NR1H4: variants seen among roughly 807,000 people sequenced by gnomAD.
NR1H4 encodes the protein bile acid receptor.
In NR1H4, 23 loss-of-function variants were observed where a neutral mutation model predicts 58.5. The observed-to-expected ratio is 0.39, with a 90% CI of 0.28 to 0.56. NR1H4 has a LOEUF of 0.56. Ranked by LOEUF, NR1H4 falls within the 20% of genes least tolerant of loss-of-function variation. NR1H4 has a pLI of 0.58. For missense variants in NR1H4, 487 were observed against 576.9 expected, an observed-to-expected ratio of 0.84 and a Z score of 1.60; for synonymous variants, 214 against 198.0, an observed-to-expected ratio of 1.08 and a Z score of -0.68.
chr12:100,492,494 C>T lies in NR1H4; in HGVS notation c.-189-9C>T, dbSNP rs1302108762. 1 of 152,140 alleles carries T rather than the reference C, an allele frequency of 6.6e-6. No homozygotes were observed. Among genetic ancestry groups the T allele is most frequent in the Non-Finnish European group, 1.5e-5 (1 of 68,022 alleles). 9.4% of individuals were successfully genotyped at this position (152,140 alleles called of 1,614,324 possible). On this transcript the variant is annotated splice_polypyrimidine_tract_variant and intron_variant, in intron 1 of 10. Coordinates refer to ENST00000392986, the MANE Select transcript of NR1H4 (RefSeq NM_001206979.2). Reference sequence around the variant, plus strand: ...TTTCATTATTTAACCTTTCAAATTACTTCTTTAGGGAGGTAGAAGACATCG... The same window carrying T: ...TTTCATTATTTAACCTTTCAAATTATTTCTTTAGGGAGGTAGAAGACATCG...
At chr12:100,513,145 A>C (rs556784862) in intron 4 of NR1H4, among the ~76,000 whole-genome samples, 2 of 152,180 alleles carry the variant, frequency 1.3e-5, no homozygotes, top group Non-Finnish European at 2.9e-5. Context: ...GAACTTATAC[A>C]TTCGTTGGAA....
chr12:100,477,016 C>G (rs1044692289), intron 1 of NR1H4, among the ~76,000 whole-genome samples: 1 of 152,168 alleles, frequency 6.6e-6, no homozygotes, highest in South Asian at 2.1e-4. Context: ...AGTCACCAAG[C>G]TGTATGAGGA....
At chr12:100,500,029 G>A in intron 3 of NR1H4, 1 of 447,150 alleles carries the variant, frequency 2.2e-6, no homozygotes, top group South Asian at 1.6e-5. Flanking sequence ...TATAAGGTAG[G>A]TACCATTACT....
chr12:100,479,731 C>T (rs992127395), intron 1 of NR1H4, among the ~76,000 whole-genome samples: 4 of 152,238 alleles, frequency 2.6e-5, no homozygotes, highest in African/African-American at 9.6e-5. Flanking sequence ...CATACAAGAG[C>T]TGCCTACTCT....
intron 4 of NR1H4, among the ~76,000 whole-genome samples, chr12:100,514,564 C>G (rs1034913137): frequency 5.9e-5 from 9 of 152,078 alleles, no homozygotes; most frequent in Non-Finnish European, 8.8e-5. Flanking sequence ...AGCAACCCCC[C>G]ACTTGTGACA....
At chr12:100,519,778 A>G (rs1954366426) in intron 4 of NR1H4, among the ~76,000 whole-genome samples, 1 of 152,068 alleles carries the variant, frequency 6.6e-6, no homozygotes, top group African/African-American at 2.4e-5. Flanking sequence ...GGGGATAGGG[A>G]GTTGGGAGGG....
intron 9 of NR1H4, among the ~76,000 whole-genome samples, chr12:100,545,572 G>A (rs1565777173): frequency 6.7e-6 from 1 of 149,192 alleles, no homozygotes; most frequent in Non-Finnish European, 1.5e-5. Context: ...AGCCCAGGAG[G>A]TGGAGGTTGC....
At chr12:100,554,025 T>C (rs1955266726) in intron 9 of NR1H4, among the ~76,000 whole-genome samples, 1 of 152,100 alleles carries the variant, frequency 6.6e-6, no homozygotes, top group South Asian at 2.1e-4. Context: ...TCTACCATAG[T>C]GTATGGCCAT....
chr12:100,503,732 C>G (rs1953891388), intron 3 of NR1H4, among the ~76,000 whole-genome samples: 1 of 152,138 alleles, frequency 6.6e-6, no homozygotes, highest in Admixed American at 6.6e-5. Flanking sequence ...TTCATAGACT[C>G]TTATGTCAAA....
intron 4 of NR1H4, among the ~76,000 whole-genome samples, chr12:100,519,951 T>C (rs987749086): frequency 6.6e-6 from 1 of 152,176 alleles, no homozygotes; most frequent in Non-Finnish European, 1.5e-5. Flanking sequence ...TTTATCTTCC[T>C]TATGTGTTCT....
At chr12:100,487,360 G>GA (rs962573827) in intron 1 of NR1H4, among the ~76,000 whole-genome samples, 23 of 152,122 alleles carry the variant, frequency 1.5e-4, no homozygotes, top group Admixed American at 1.2e-3. Context: ...TAACTTTTCA[G>GA]AAAAACAGTG....
chr12:100,536,366 C>T, intron 6 of NR1H4, 146 bp from the exon 7 acceptor site: 3 of 562,186 alleles, frequency 5.3e-6, no homozygotes, highest in Non-Finnish European at 9.5e-6. Context: ...AAATTATACA[C>T]TCTCTTAGAA....
intron 8 of NR1H4, among the ~76,000 whole-genome samples, 200 bp from the exon 9 acceptor site, chr12:100,540,472 T>C (rs1954908957): frequency 6.6e-6 from 1 of 152,174 alleles, no homozygotes; most frequent in South Asian, 2.1e-4. Context: ...ACATCTCCCT[T>C]TGCCCAGCTT....
chr12:100,545,780 G>C (rs1955056067), intron 9 of NR1H4, among the ~76,000 whole-genome samples: 1 of 151,828 alleles, frequency 6.6e-6, no homozygotes, highest in African/African-American at 2.4e-5. Flanking sequence ...GTTTGTGTGA[G>C]CTTTGGGTCC....
At chr12:100,521,412 T>C (rs1329956066) in intron 4 of NR1H4, among the ~76,000 whole-genome samples, 4 of 152,204 alleles carry the variant, frequency 2.6e-5, no homozygotes, top group Non-Finnish European at 5.9e-5. Flanking sequence ...CATATGGAAA[T>C]GTGCTAATGT....
At chr12:100,483,712 G>A (rs530438495) in intron 1 of NR1H4, among the ~76,000 whole-genome samples, 11 of 151,992 alleles carry the variant, frequency 7.2e-5, no homozygotes, top group African/African-American at 2.7e-4. Context: ...GGTCAGGCGC[G>A]GTGGCTCACG....
intron 4 of NR1H4, among the ~76,000 whole-genome samples, chr12:100,515,821 T>G (rs1676802537): frequency 6.6e-6 from 1 of 152,210 alleles, no homozygotes; most frequent in African/African-American, 2.4e-5. Context: ...TTAACAAGAT[T>G]TATTTGACAT....
chr12:100,546,561 G>A (rs1955074903), intron 9 of NR1H4, among the ~76,000 whole-genome samples: 2 of 152,036 alleles, frequency 1.3e-5, no homozygotes, highest in Admixed American at 6.5e-5. Flanking sequence ...CTGGCGTGGT[G>A]GCAGGCACCT....
rs756389035 is a variant in NR1H4, at chr12:100,493,300, G to A, written c.-24G>A. The A allele has an allele frequency of 8.3e-7, 1 of 1,198,920 alleles. No individual in the cohort carries two copies. The highest frequency in any genetic ancestry group is 1.8e-5 in the Admixed American group (1 of 55,272). 74.3% of individuals were successfully genotyped at this position (1,198,920 alleles called of 1,614,324 possible). A position where few individuals can be genotyped will look rare whatever the true frequency, so the allele number is the denominator to read the frequency against. ...TTTTTTGAAGACCACCATAAAGAAAGTGCATTTCAATTGAAAAATTTGGAT... is the reference window on the plus strand; with the variant it reads ...TTTTTTGAAGACCACCATAAAGAAAATGCATTTCAATTGAAAAATTTGGAT... On this transcript the variant is annotated 5_prime_UTR_variant, in exon 3 of 11. In the 5' UTR this introduces an upstream ATG that the reference lacks. Coordinates refer to ENST00000392986, the MANE Select transcript of NR1H4 (RefSeq NM_001206979.2).
Sources: gnomAD v4.1 joint callset for allele counts (sites outside exome capture counted in the v4.1 genomes callset) on GRCh38, gnomAD v4.1.1 for gene constraint, MANE v1.5 for transcripts, NCBI Gene and HGNC (gene_info 2026-07-23, HGNC 2026-07-21) for gene names.